The following CSNK1A1 variants were observed in gnomAD, a reference collection of about 807,000 sequenced individuals.
CSNK1A1 encodes the protein casein kinase I isoform alpha.
CSNK1A1 carries 7 observed loss-of-function variants against 46.1 expected under a neutral mutation model. The observed-to-expected ratio is 0.15, with a 90% CI of 0.09 to 0.29. CSNK1A1 has a LOEUF of 0.29. CSNK1A1 is among the 10% of genes least tolerant of loss of function. The pLI, the probability that CSNK1A1 is intolerant of heterozygous loss-of-function variation, is 1.00. For missense variants in CSNK1A1, 96 were observed against 417.1 expected, an observed-to-expected ratio of 0.23 and a Z score of 6.71; for synonymous variants, 137 against 141.5, an observed-to-expected ratio of 0.97 and a Z score of 0.23.
chr5:149,537,798 A>C (rs1387926970), intron 2 of CSNK1A1, among the ~76,000 whole-genome samples: 1 of 113,700 alleles, frequency 8.8e-6, no homozygotes. Context: ...CAATTAACTA[A>C]GGCAATCTCT....
intron 9 of CSNK1A1, chr5:149,498,540 G>A (rs1306112219): frequency 2.0e-6 from 2 of 984,978 alleles, no homozygotes; most frequent in African/African-American, 3.5e-5. Context: ...AAGAAAAAAA[G>A]TACAATACAG....
intron 9 of CSNK1A1, chr5:149,501,418 C>G (rs967405451): frequency 1.0e-6 from 1 of 985,328 alleles, no homozygotes; most frequent in African/African-American, 1.7e-5. Context: ...GAGTGACCAG[C>G]ACATTCCTAG....
At chr5:149,518,822 GAT>G (rs1418233103) in intron 4 of CSNK1A1, among the ~76,000 whole-genome samples, 1 of 152,010 alleles carries the variant, frequency 6.6e-6, no homozygotes, top group African/African-American at 2.4e-5. Flanking sequence ...AAGGCAAAGT[GAT>G]ATCTAGGTCA....
intron 2 of CSNK1A1, among the ~76,000 whole-genome samples, chr5:149,540,958 T>C (rs927371850): frequency 6.6e-6 from 1 of 151,768 alleles, no homozygotes; most frequent in Non-Finnish European, 1.5e-5. Flanking sequence ...CGGGCACCTG[T>C]AGTCCCAGCT....
At chr5:149,523,146 T>C (rs1324923983) in intron 3 of CSNK1A1, among the ~76,000 whole-genome samples, 1 of 151,820 alleles carries the variant, frequency 6.6e-6, no homozygotes, top group Non-Finnish European at 1.5e-5. Flanking sequence ...GTTCATGTGA[T>C]TCTCATGCCT....
chr5:149,545,776 G>C (rs1762460551), intron 2 of CSNK1A1: 2 of 611,852 alleles, frequency 3.3e-6, no homozygotes, highest in East Asian at 6.8e-5. Flanking sequence ...GGTTGTGTGT[G>C]GTGTGGTTCG....
intron 9 of CSNK1A1, chr5:149,497,234 A>G (rs1258485539): frequency 9.9e-7 from 1 of 1,007,056 alleles, no homozygotes; most frequent in African/African-American, 1.7e-5. Flanking sequence ...ACTAAAGAAT[A>G]CAATTTTAAT....
At chr5:149,508,257 C>T (rs1399209264) in intron 7 of CSNK1A1, among the ~76,000 whole-genome samples, 8 of 152,118 alleles carry the variant, frequency 5.3e-5, no homozygotes, top group African/African-American at 1.9e-4. Flanking sequence ...TGGGTGACCA[C>T]TTGAAACATA....
intron 5 of CSNK1A1, among the ~76,000 whole-genome samples, 164 bp downstream of exon 5, chr5:149,512,906 T>A (rs755992182): frequency 1.3e-5 from 2 of 152,132 alleles, no homozygotes; most frequent in Non-Finnish European, 2.9e-5. Context: ...CATTTAACGG[T>A]CTTCTCTACA....
At chr5:149,534,292 G>A (rs1215624993) in intron 2 of CSNK1A1, among the ~76,000 whole-genome samples, 11 of 151,658 alleles carry the variant, frequency 7.3e-5, no homozygotes, top group Admixed American at 7.2e-4. Flanking sequence ...GACCATCCTG[G>A]CCAACATGGT....
chr5:149,550,823 C>A lies in CSNK1A1; in HGVS notation c.123+19G>T, dbSNP rs772051569. The A allele has an allele frequency of 1.2e-6, 2 of 1,613,794 alleles. No individual in the cohort carries two copies. The highest frequency in any genetic ancestry group is 1.7e-6 in the Non-Finnish European group (2 of 1,179,834). ...AGTAAAAGCGCAGCGTTATCGTGAA[C>A]CCCACCCCAGATGATTACCTCGCCG... On this transcript the variant is annotated intron_variant, in intron 1 of 9. Transcript: ENST00000377843. The surrounding 1 kb of genome is among the most constrained non-coding windows in gnomAD (Gnocchi z 4.3).
At chr5:149,533,026 T>C (rs1761948865) in intron 2 of CSNK1A1, among the ~76,000 whole-genome samples, 1 of 152,214 alleles carries the variant, frequency 6.6e-6, no homozygotes, top group African/African-American at 2.4e-5. Flanking sequence ...GCTGCCTTGT[T>C]ACTACTAATC....
At chr5:149,546,522 A>G (rs1194303944) in intron 2 of CSNK1A1, among the ~76,000 whole-genome samples, 2 of 151,882 alleles carry the variant, frequency 1.3e-5, no homozygotes, top group African/African-American at 2.4e-5. Context: ...AGTCCCAGCT[A>G]CTCAGGAGGC....
At chr5:149,548,560 C>T (rs913565352) in intron 2 of CSNK1A1, among the ~76,000 whole-genome samples, 1 of 143,184 alleles carries the variant, frequency 7.0e-6, no homozygotes, top group Non-Finnish European at 1.5e-5. Flanking sequence ...GAGTAAGGCT[C>T]CGTTTCAAAA....
intron 6 of CSNK1A1, among the ~76,000 whole-genome samples, chr5:149,510,371 G>C (rs1371269623): frequency 1.3e-5 from 2 of 151,828 alleles, no homozygotes; most frequent in Non-Finnish European, 2.9e-5. Context: ...CTGGCCTCAA[G>C]CAATCCTCCT....
chr5:149,525,215 T>G lies in CSNK1A1; in HGVS notation c.231-44A>C, dbSNP rs1422664399. 7 of 1,529,520 alleles carry G rather than the reference T, an allele frequency of 4.6e-6. No individual in the cohort carries two copies. The African/African-American group carries it at 8.4e-5, about 18-fold the overall frequency. 94.7% of individuals were successfully genotyped at this position (1,529,520 alleles called of 1,614,324 possible). A position where few individuals can be genotyped will look rare whatever the true frequency, so the allele number is the denominator to read the frequency against. On this transcript the variant is annotated intron_variant, in intron 2 of 9. Coordinates refer to ENST00000377843, the MANE Select transcript of CSNK1A1 (RefSeq NM_001892.6). This position sits in a 1 kb window ranked among gnomAD's most constrained non-coding sequence, Gnocchi z 4.2. ...AAGAGAGGATATTACAAAAAGCTAT[T>G]ACTTAATATCATCAACCCTAAGAAT...
In CSNK1A1 at chr5:149,548,682, GAAACTAAAATACAA is replaced by G. The variant is rs576147936; in HGVS notation, c.230+1379_230+1392del. 1.7e-3 allele frequency among the ~76,000 whole-genome samples: 258 copies of G among 152,144 alleles called. 1 individual carries two copies. The highest frequency in any genetic ancestry group is 6.8e-3 in the Middle Eastern group (2 of 294). ...TCGAGCCCAGCCTGGCCAACGTGGT[GAAACTAAAATACAA>G]AAATTAGCTAGGCGTGGTGGCGGGC... On this transcript the variant is annotated intron_variant, in intron 2 of 9. Coordinates refer to ENST00000377843, the MANE Select transcript of CSNK1A1 (RefSeq NM_001892.6).
chr5:149,514,469 T>C (rs1225691092), intron 4 of CSNK1A1, among the ~76,000 whole-genome samples: 1 of 152,218 alleles, frequency 6.6e-6, no homozygotes, highest in Non-Finnish European at 1.5e-5. Context: ...AAAGTTAATC[T>C]ACAAATATTA....
chr5:149,511,357 T>C (rs1338214302), intron 6 of CSNK1A1, among the ~76,000 whole-genome samples: 3 of 151,050 alleles, frequency 2.0e-5, no homozygotes, highest in Non-Finnish European at 4.4e-5. Context: ...TACGGTGATT[T>C]ATCATTAACA....
Sources: allele counts gnomAD v4.1 joint callset (sites outside exome capture counted in the v4.1 genomes callset), GRCh38; gene constraint gnomAD v4.1.1; non-coding constraint Gnocchi (gnomAD v3.1); transcripts MANE v1.5; gene names NCBI Gene and HGNC (gene_info 2026-07-23, HGNC 2026-07-21).